STX8: variants seen among roughly 807,000 people sequenced by gnomAD.
STX8 encodes the protein syntaxin-8.
A neutral mutation model predicts 37.5 loss-of-function variants in STX8; 23 were observed. The ratio of observed to expected loss-of-function variants is 0.61; its 90% CI spans 0.44 to 0.87. The LOEUF (loss-of-function observed/expected upper bound fraction) is 0.87, where lower values mean the gene tolerates loss of function less well. Among genes scored for constraint, STX8 ranks in the 40% least tolerant of loss-of-function variants. The pLI is 0.00. For missense variants in STX8, 313 were observed against 284.7 expected, an observed-to-expected ratio of 1.10 and a Z score of -0.71; for synonymous variants, 115 against 99.1, an observed-to-expected ratio of 1.16 and a Z score of -0.95.
At chr17:9,376,677 C>T (rs370644454) in intron 7 of STX8, among the ~76,000 whole-genome samples, 24 of 152,322 alleles carry the variant, frequency 1.6e-4, no homozygotes, top group South Asian at 4.1e-4. Flanking sequence ...CCGGCTGCAA[C>T]GGTCTGCAGC....
chr17:9,462,584 G>A (rs997171859), intron 6 of STX8, among the ~76,000 whole-genome samples: 3 of 152,086 alleles, frequency 2.0e-5, no homozygotes, highest in Admixed American at 1.3e-4. Context: ...TTCGCTGGGC[G>A]TGGTGGCAGG....
intron 5 of STX8, among the ~76,000 whole-genome samples, chr17:9,504,595 T>C (rs1174667755): frequency 1.3e-5 from 2 of 151,862 alleles, no homozygotes; most frequent in South Asian, 2.1e-4. Flanking sequence ...TCCTCAGGTA[T>C]CCTGAGGCAC....
intron 6 of STX8, among the ~76,000 whole-genome samples, chr17:9,389,039 C>T (rs1250984435): frequency 6.6e-6 from 1 of 152,176 alleles, no homozygotes; most frequent in Admixed American, 6.5e-5. Context: ...TAAATTCTTT[C>T]CTCCATTATC....
chr17:9,333,244 T>TC (rs1910019153), intron 7 of STX8, among the ~76,000 whole-genome samples: 1 of 152,112 alleles, frequency 6.6e-6, no homozygotes, highest in South Asian at 2.1e-4. Flanking sequence ...CAGCCTTTGC[T>TC]CCCCTCCCTC....
At chr17:9,312,506 G>A (rs921904742) in intron 7 of STX8, among the ~76,000 whole-genome samples, 1 of 152,060 alleles carries the variant, frequency 6.6e-6, no homozygotes, top group East Asian at 1.9e-4. Context: ...TGGCAAGCAT[G>A]AGACATTTTA....
intron 7 of STX8, among the ~76,000 whole-genome samples, chr17:9,362,828 C>CAAAAAA (rs765809132): frequency 1.8e-4 from 18 of 102,164 alleles, no homozygotes; most frequent in African/African-American, 5.6e-4. Context: ...GACTCCGTCT[C>CAAAAAA]AAAAAAAAAA....
intron 7 of STX8, among the ~76,000 whole-genome samples, chr17:9,329,980 A>T (rs1445974402): frequency 6.6e-6 from 1 of 152,116 alleles, no homozygotes; most frequent in Admixed American, 6.5e-5. Context: ...GCAGCTGGTC[A>T]TAGCTAAGAG....
intron 6 of STX8, among the ~76,000 whole-genome samples, chr17:9,420,694 A>G (rs1299401966): frequency 6.6e-6 from 1 of 152,076 alleles, no homozygotes; most frequent in East Asian, 1.9e-4. Flanking sequence ...ATACACTCAC[A>G]ACCCACTACA....
chr17:9,414,042 CTGCCCGT>C (rs1913074540), intron 6 of STX8, among the ~76,000 whole-genome samples: 1 of 138,056 alleles, frequency 7.2e-6, no homozygotes, highest in Non-Finnish European at 1.6e-5. Flanking sequence ...AACCATCTAT[CTGCCCGT>C]CCGTCTGTCC....
At chr17:9,359,398 T>C (rs997156883) in intron 7 of STX8, among the ~76,000 whole-genome samples, 3 of 151,802 alleles carry the variant, frequency 2.0e-5, no homozygotes, top group Non-Finnish European at 4.4e-5. Context: ...AAAGGTTGAA[T>C]AGAGAGCCTG....
intron 6 of STX8, among the ~76,000 whole-genome samples, chr17:9,417,033 C>T (rs1490999417): frequency 6.6e-6 from 1 of 152,190 alleles, no homozygotes; most frequent in African/African-American, 2.4e-5. Context: ...ACTCAGTGCA[C>T]ACAGACTGTT....
chr17:9,318,135 T>A (rs911448666), intron 7 of STX8, among the ~76,000 whole-genome samples: 9 of 152,200 alleles, frequency 5.9e-5, no homozygotes, highest in African/African-American at 1.4e-4. Context: ...TAATTTTTTT[T>A]AAATACTTCA....
At chr17:9,571,437 C>G (rs1412766159) in intron 1 of STX8, among the ~76,000 whole-genome samples, 1 of 151,628 alleles carries the variant, frequency 6.6e-6, no homozygotes, top group East Asian at 1.9e-4. Flanking sequence ...CCTCATTACA[C>G]TATCAAGCAC....
intron 7 of STX8, among the ~76,000 whole-genome samples, chr17:9,357,208 T>G (rs1340241760): frequency 6.6e-6 from 1 of 151,818 alleles, no homozygotes; most frequent in Non-Finnish European, 1.5e-5. Context: ...TCTCAGGTGA[T>G]CTGCCTGCCT....
chr17:9,448,409 G>C (rs1904927934), intron 6 of STX8, among the ~76,000 whole-genome samples: 1 of 152,206 alleles, frequency 6.6e-6, no homozygotes, highest in African/African-American at 2.4e-5. Flanking sequence ...CTGCAAACAA[G>C]TGTCCTTTCG....
rs187762663 is a variant in STX8, at chr17:9,471,237, C to T, written c.541+20592G>A. 3.3e-3 allele frequency among the ~76,000 whole-genome samples: 494 copies of T among 148,890 alleles called. 1 individual carries two copies. The highest frequency in any genetic ancestry group is 1.0e-2 in the African/African-American group (406 of 40,620). ...CATGATCTTGGCTCACTGCAACCTC[C>T]GCCTCCCGGGTTCAAGCAATTCTCC... On this transcript the variant is annotated intron_variant, in intron 6 of 7. Coordinates refer to ENST00000306357, the MANE Select transcript of STX8 (RefSeq NM_004853.3).
intron 7 of STX8, among the ~76,000 whole-genome samples, chr17:9,374,110 C>A: frequency 6.9e-6 from 1 of 143,906 alleles, no homozygotes; most frequent in East Asian, 2.0e-4. Context: ...TTGATGGAGT[C>A]TCACTGTGTC....
chr17:9,456,888 G>A (rs566674674), intron 6 of STX8, among the ~76,000 whole-genome samples: 18 of 152,156 alleles, frequency 1.2e-4, no homozygotes, highest in African/African-American at 3.1e-4. Context: ...TGGATTCTGG[G>A]GTTTTTTTCT....
chr17:9,343,249 A>G lies in STX8; in HGVS notation c.643+35303T>C, dbSNP rs572668024. 2.6e-5 allele frequency among the ~76,000 whole-genome samples: 4 copies of G among 152,050 alleles called. No individual in the cohort carries two copies. In the East Asian group the frequency reaches 7.8e-4, roughly 30 times the overall value. On this transcript the variant is annotated intron_variant, in intron 7 of 7. Coordinates refer to ENST00000306357, the MANE Select transcript of STX8 (RefSeq NM_004853.3). ...ACTGTTGCCCCGGGTACTCTCAACC[A>G]CTCCAAGTTTTTATAGAGCCTTTGG...
Sources: gnomAD v4.1 joint callset for allele counts (sites outside exome capture counted in the v4.1 genomes callset) on GRCh38, gnomAD v4.1.1 for gene constraint, MANE v1.5 for transcripts, NCBI Gene and HGNC (gene_info 2026-07-23, HGNC 2026-07-21) for gene names.